SPATA16: variants seen among roughly 807,000 people sequenced by gnomAD.
SPATA16 encodes the protein spermatogenesis-associated protein 16.
Under a neutral mutation model 63.3 loss-of-function variants are expected in SPATA16, and 36 were observed. The ratio of observed to expected loss-of-function variants is 0.57; its 90% confidence interval spans 0.44 to 0.75. The LOEUF (loss-of-function observed/expected upper bound fraction) is 0.75, where lower values mean the gene tolerates loss of function less well. SPATA16 is among the 30% of genes least tolerant of loss of function. SPATA16 has a pLI of 0.00. For synonymous variants in SPATA16, 203 were observed against 216.7 expected (o/e 0.94, Z 0.56); for missense variants, 646 against 679.3 (o/e 0.95, Z 0.54).
chr3:172,940,843 C>T (rs1247927965), intron 6 of SPATA16, among the ~76,000 whole-genome samples: 1 of 151,802 alleles, frequency 6.6e-6, no homozygotes, highest in Non-Finnish European at 1.5e-5. Flanking sequence ...ATTAGCTGGG[C>T]GTGGTGGCAC....
chr3:173,095,985 T>A (rs545649279), intron 2 of SPATA16, among the ~76,000 whole-genome samples: 5 of 152,210 alleles, frequency 3.3e-5, no homozygotes, highest in African/African-American at 1.2e-4. Context: ...AATAAACAAT[T>A]CCTAAATTGC....
intron 3 of SPATA16, among the ~76,000 whole-genome samples, chr3:173,036,642 T>C (rs1735720946): frequency 6.6e-6 from 1 of 152,004 alleles, no homozygotes; most frequent in Non-Finnish European, 1.5e-5. Flanking sequence ...TGGTGTAGTA[T>C]CAAAGAAGAA....
intron 1 of SPATA16, among the ~76,000 whole-genome samples, chr3:173,126,325 C>G (rs1004569381): frequency 6.6e-6 from 1 of 152,172 alleles, no homozygotes; most frequent in Non-Finnish European, 1.5e-5. Flanking sequence ...AACAATTACT[C>G]ATTTGCTGTG....
chr3:173,103,974 C>A (rs539725815), intron 2 of SPATA16, among the ~76,000 whole-genome samples: 1 of 152,166 alleles, frequency 6.6e-6, no homozygotes, highest in South Asian at 2.1e-4. Flanking sequence ...AGCAGCCAGG[C>A]CTTATCTTGA....
intron 3 of SPATA16, among the ~76,000 whole-genome samples, chr3:173,025,575 G>A (rs139447627): frequency 2.0e-5 from 3 of 151,874 alleles, no homozygotes; most frequent in African/African-American, 7.2e-5. Flanking sequence ...ATTTACAACC[G>A]TACTAAACAG....
chr3:172,996,997 T>A (rs890353950), intron 4 of SPATA16, among the ~76,000 whole-genome samples: 2 of 152,134 alleles, frequency 1.3e-5, no homozygotes, highest in Non-Finnish European at 2.9e-5. Context: ...CAGTATTCTA[T>A]TGTCTAGATG....
At chr3:173,022,808 C>T (rs550914876) in intron 3 of SPATA16, among the ~76,000 whole-genome samples, 3 of 150,988 alleles carry the variant, frequency 2.0e-5, no homozygotes, top group African/African-American at 7.3e-5. Context: ...CTGATTTTAT[C>T]ACAGAGGAAA....
At chr3:172,935,713 A>C (rs1209808022) in intron 6 of SPATA16, among the ~76,000 whole-genome samples, 1 of 152,212 alleles carries the variant, frequency 6.6e-6, no homozygotes, top group East Asian at 1.9e-4. Flanking sequence ...GATAGAGATA[A>C]AAATTTGAAT....
intron 5 of SPATA16, among the ~76,000 whole-genome samples, chr3:172,959,361 T>C (rs1296808062): frequency 6.6e-6 from 1 of 152,198 alleles, no homozygotes; most frequent in Admixed American, 6.5e-5. Context: ...ATCTGTACTC[T>C]TGGCTTAATG....
intron 5 of SPATA16, among the ~76,000 whole-genome samples, chr3:172,971,360 T>C (rs539807122): frequency 6.6e-6 from 1 of 152,334 alleles, no homozygotes; most frequent in African/African-American, 2.4e-5. Context: ...TATTCTCATG[T>C]CAAATGTTAT....
At chr3:173,060,573 T>C (rs1467725996) in intron 2 of SPATA16, among the ~76,000 whole-genome samples, 1 of 152,228 alleles carries the variant, frequency 6.6e-6, no homozygotes, top group Non-Finnish European at 1.5e-5. Flanking sequence ...TTACAATTTC[T>C]AAGATATTTT....
intron 2 of SPATA16, among the ~76,000 whole-genome samples, chr3:173,087,788 G>C (rs1483072157): frequency 1.3e-5 from 2 of 152,096 alleles, no homozygotes; most frequent in Non-Finnish European, 2.9e-5. Context: ...ATGAAGCTTA[G>C]TTTGGTTGGA....
chr3:173,128,617 C>T (rs1054844660), intron 1 of SPATA16, among the ~76,000 whole-genome samples: 1 of 152,118 alleles, frequency 6.6e-6, no homozygotes, highest in African/African-American at 2.4e-5. Context: ...GCATATGCTC[C>T]GCCTCCTGAC....
chr3:173,020,080 G>C (rs1354101391), intron 3 of SPATA16, among the ~76,000 whole-genome samples: 1 of 151,874 alleles, frequency 6.6e-6, no homozygotes, highest in African/African-American at 2.4e-5. Context: ...TAGATCACCT[G>C]AGGTCATGAG....
intron 3 of SPATA16, among the ~76,000 whole-genome samples, chr3:173,047,001 G>C (rs899477929): frequency 3.3e-5 from 5 of 151,998 alleles, no homozygotes; most frequent in Non-Finnish European, 5.9e-5. Flanking sequence ...TAATAGGAAA[G>C]ATAACTTTAC....
At chr3:172,899,586 T>C (rs900790657) in intron 10 of SPATA16, among the ~76,000 whole-genome samples, 2 of 152,074 alleles carry the variant, frequency 1.3e-5, no homozygotes, top group Non-Finnish European at 2.9e-5. Context: ...ATTTTGCCAA[T>C]CTCTGTCTTT....
intron 5 of SPATA16, among the ~76,000 whole-genome samples, chr3:172,975,651 A>G (rs1734139561): frequency 1.3e-5 from 2 of 152,178 alleles, no homozygotes; most frequent in Admixed American, 1.3e-4. Context: ...TCTTAAAATT[A>G]TCAGAGAAGT....
chr3:172,974,190 C>G (rs1410761859), intron 5 of SPATA16, among the ~76,000 whole-genome samples: 1 of 152,026 alleles, frequency 6.6e-6, no homozygotes, highest in Non-Finnish European at 1.5e-5. Flanking sequence ...TAGACGTGTT[C>G]TCAAATTTTT....
intron 5 of SPATA16, among the ~76,000 whole-genome samples, chr3:172,963,028 T>C (rs1733825883): frequency 6.6e-6 from 1 of 152,128 alleles, no homozygotes. Context: ...ACACAATCAC[T>C]GTGTCGTTTA....
Sources: gnomAD v4.1 joint callset for allele counts (sites outside exome capture counted in the v4.1 genomes callset) on GRCh38, gnomAD v4.1.1 for gene constraint, MANE v1.5 for transcripts, NCBI Gene and HGNC (gene_info 2026-07-23, HGNC 2026-07-21) for gene names.